IL17F: variants seen among roughly 807,000 people sequenced by gnomAD.
The protein encoded by IL17F is interleukin-17F.
Under a neutral mutation model 8.3 loss-of-function variants are expected in IL17F, and 6 were observed. That is an observed-to-expected ratio of 0.73 (90% confidence interval 0.40 to 1.43). IL17F has a LOEUF of 1.43. Among genes scored for constraint, IL17F ranks in the 40% most tolerant of loss-of-function variants. The pLI, the probability that IL17F is intolerant of heterozygous loss-of-function variation, is 0.02. For synonymous variants in IL17F, 98 were observed against 81.6 expected (o/e 1.20, Z -1.08); for missense variants, 204 against 209.6 (o/e 0.97, Z 0.17).
chr6:52,242,181 A>G (rs1317912153), intron 1 of IL17F, among the ~76,000 whole-genome samples: 1 of 152,232 alleles, frequency 6.6e-6, no homozygotes, highest in East Asian at 1.9e-4. Flanking sequence ...AGATGAATAG[A>G]TATCGCTCTC....
intron 1 of IL17F, among the ~76,000 whole-genome samples, chr6:52,241,426 A>G (rs1439386316): frequency 6.6e-6 from 1 of 152,066 alleles, no homozygotes; most frequent in Non-Finnish European, 1.5e-5. Context: ...AGAGGGTCTT[A>G]GATAACTTCC....
At chr6:52,244,891 C>G (rs1392824304), upstream of IL17F, among the ~76,000 whole-genome samples, 1 of 152,212 alleles carries the variant, frequency 6.6e-6, no homozygotes, top group Non-Finnish European at 1.5e-5. Flanking sequence ...GGAGAAAACT[C>G]ATCCTTAGAG....
chr6:52,237,073 G>T lies in IL17F; in HGVS notation c.350C>A (p.Ser117Tyr), dbSNP rs767452983. 2.4e-5 allele frequency: 38 copies of T among 1,614,084 alleles called. No individual in the cohort carries two copies. The highest frequency in any genetic ancestry group is 2.6e-5 in the Non-Finnish European group (31 of 1,180,020). The change falls in exon 3 of 3, where the codon TCC (serine) becomes TAC (tyrosine). Residue 117 changes from serine (S) to tyrosine (Y), a missense_variant. Coordinates refer to ENST00000336123, the MANE Select transcript of IL17F (RefSeq NM_052872.4). ...TTGCTGGATGGGAACGGAATTCATG[G>T]AGATGTCTTCCTTTCCTTGAGCATT... is the stretch of plus-strand genomic sequence containing the variant. ...CINAQGKEDI[S>Y]MNSVPIQQET...
At chr6:52,239,040 C>A in intron 1 of IL17F, 90 bp from the exon 2 acceptor site, 1 of 1,134,156 alleles carries the variant, frequency 8.8e-7, no homozygotes, top group Admixed American at 1.8e-5. Flanking sequence ...GCATTCCTGT[C>A]CTTTTATGGG....
chr6:52,244,360 T>C (rs1764124646), intron 1 of IL17F, 37 bp downstream of exon 1: 4 of 1,603,746 alleles, frequency 2.5e-6, no homozygotes, highest in Non-Finnish European at 3.4e-6. Flanking sequence ...ATCCTAGGCA[T>C]GACAGTCCTT....
At chr6:52,241,035 C>T (rs1054949577) in intron 1 of IL17F, among the ~76,000 whole-genome samples, 6 of 152,040 alleles carry the variant, frequency 3.9e-5, no homozygotes, top group African/African-American at 1.4e-4. Flanking sequence ...AATTTACACT[C>T]ATATACCTTG....
In IL17F at chr6:52,237,076, A is replaced by G; in HGVS notation, c.347T>C (p.Ile116Thr). The change falls in exon 3 of 3, where the codon ATC (isoleucine) becomes ACC (threonine). Residue 116 changes from isoleucine (I) to threonine (T), a missense_variant. Physicochemically the swap from Ile to Thr is moderately conservative, Grantham distance 89. Transcript: ENST00000336123. ...GCINAQGKED[I>T]SMNSVPIQQE... ...CTGGATGGGAACGGAATTCATGGAG[A>G]TGTCTTCCTTTCCTTGAGCATTGAT... 1.2e-6 allele frequency: 2 copies of G among 1,614,198 alleles called. No homozygotes were observed. The highest frequency in any genetic ancestry group is 1.7e-6 in the Non-Finnish European group (2 of 1,180,032).
At chr6:52,243,866 CAT>C (rs1277726015) in intron 1 of IL17F, among the ~76,000 whole-genome samples, 3 of 152,058 alleles carry the variant, frequency 2.0e-5, no homozygotes, top group African/African-American at 4.8e-5. Flanking sequence ...AGGTTCAAGC[CAT>C]TCTCCTGCCT....
At chr6:52,241,791 A>G (rs1420399224) in intron 1 of IL17F, among the ~76,000 whole-genome samples, 3 of 152,202 alleles carry the variant, frequency 2.0e-5, no homozygotes, top group Non-Finnish European at 4.4e-5. Context: ...TCACCAGCCT[A>G]TGAGTACCAG....
chr6:52,243,323 T>C (rs531271383), intron 1 of IL17F, among the ~76,000 whole-genome samples: 8 of 152,366 alleles, frequency 5.3e-5, no homozygotes, highest in Non-Finnish European at 1.0e-4. Context: ...AGGCCTTATC[T>C]GACTAATGTC....
intron 1 of IL17F, among the ~76,000 whole-genome samples, chr6:52,241,061 A>G (rs895021380): frequency 7.9e-6 from 1 of 127,252 alleles, no homozygotes; most frequent in Non-Finnish European, 1.7e-5. Context: ...ACAAACTGCT[A>G]TGGCGTTTGT....
Position 52,238,799 on chromosome 6 carries a change from A to C in IL17F, c.185T>G (p.Ile62Ser). The C allele has an allele frequency of 1.2e-6, 2 of 1,614,152 alleles. No individual in the cohort carries two copies. The highest frequency in any genetic ancestry group is 1.7e-6 in the Non-Finnish European group (2 of 1,180,014). ...GGSMKLDIGI[I>S]NENQRVSMSR... The stretch of plus-strand genomic sequence containing the variant: ...CATGGAAACGCGCTGGTTTTCATTG[A>C]TGATGCCAATGTCAAGCTTCATACT... Residue 62 changes from isoleucine to serine, a missense_variant, in exon 2 of 3, where the codon ATC (isoleucine) becomes AGC (serine). Physicochemically the swap from Ile to Ser is moderately radical, Grantham distance 142 (BLOSUM62 -2). Coordinates refer to ENST00000336123, the MANE Select transcript of IL17F (RefSeq NM_052872.4).
chr6:52,239,302 A>G, intron 1 of IL17F: 1 of 299,236 alleles, frequency 3.3e-6, no homozygotes, highest in Non-Finnish European at 6.4e-6. Flanking sequence ...TGCTCACTTT[A>G]TGAGACTACT....
intron 1 of IL17F, among the ~76,000 whole-genome samples, chr6:52,240,931 T>C (rs1023919111): frequency 6.6e-6 from 1 of 151,888 alleles, no homozygotes; most frequent in Non-Finnish European, 1.5e-5. Flanking sequence ...TCCATATAAA[T>C]TATGAAGAAC....
At chr6:52,245,626 TC>T (rs753952212), upstream of IL17F, among the ~76,000 whole-genome samples, 2 of 152,226 alleles carry the variant, frequency 1.3e-5, no homozygotes, top group Non-Finnish European at 2.9e-5. Flanking sequence ...TGTTTACCTT[TC>T]TTAGAACTTC....
Position 52,238,786 on chromosome 6 carries a change from C to T in IL17F, c.198G>A (p.Gln66=). Residue 66 remains glutamine (Q), a synonymous_variant, in exon 2 of 3, where the codon CAG becomes CAA. Coordinates refer to ENST00000336123, the MANE Select transcript of IL17F (RefSeq NM_052872.4). ...KLDIGIINEN[Q]RVSMSRNIES... ...CGATGTTACGTGACATGGAAACGCGCTGGTTTTCATTGATGATGCCAATGT... is the reference window on the plus strand; with the variant it reads ...CGATGTTACGTGACATGGAAACGCGTTGGTTTTCATTGATGATGCCAATGT... 1.2e-6 allele frequency: 2 copies of T among 1,614,188 alleles called. No homozygotes were observed. Among genetic ancestry groups the T allele is most frequent in the Non-Finnish European group, 1.7e-6 (2 of 1,180,024 alleles).
chr6:52,244,598 A>G, upstream of IL17F: 1 of 656,994 alleles, frequency 1.5e-6, no homozygotes, highest in Non-Finnish European at 2.7e-6. Context: ...GGAGTTACTG[A>G]CGAATGCAGG....
intron 1 of IL17F, chr6:52,239,178 TA>T: frequency 3.7e-6 from 2 of 543,146 alleles, no homozygotes; most frequent in Non-Finnish European, 6.6e-6. Context: ...CTCCATAGTC[TA>T]AAAGCTCCCA....
intron 1 of IL17F, among the ~76,000 whole-genome samples, chr6:52,243,000 C>T (rs1170297138): frequency 6.6e-6 from 1 of 152,130 alleles, no homozygotes; most frequent in African/African-American, 2.4e-5. Flanking sequence ...GTTGAGGAAA[C>T]GGAGGCACAG....
Sources: gnomAD v4.1 joint callset for allele counts (sites outside exome capture counted in the v4.1 genomes callset) on GRCh38, gnomAD v4.1.1 for gene constraint, MANE v1.5 for transcripts, NCBI Gene and HGNC (gene_info 2026-07-23, HGNC 2026-07-21) for gene names.